SNTB2: variants seen among roughly 807,000 people sequenced by gnomAD.
SNTB2 encodes the protein beta-2-syntrophin.
A neutral mutation model predicts 46.2 loss-of-function variants in SNTB2; 34 were observed. That is an observed-to-expected ratio of 0.74 (90% CI 0.56 to 0.98). The LOEUF (loss-of-function observed/expected upper bound fraction) is 0.98. Among genes scored for constraint, SNTB2 ranks in the 50% least tolerant of loss-of-function variants. The pLI is 0.00. For missense variants in SNTB2, 603 were observed against 731.4 expected (o/e 0.82, Z 2.02); for synonymous variants, 290 against 312.6 (o/e 0.93, Z 0.76).
At chr16:69,297,306 CAAAAAAAAAAAAAA>C (rs60543622) in intron 5 of SNTB2, among the ~76,000 whole-genome samples, 17 of 45,736 alleles carry the variant, frequency 3.7e-4, no homozygotes, top group East Asian at 1.2e-3. Context: ...GATTCTATCT[CAAAAAAAAAAAAAA>C]AAAAAAAAAA....
At chr16:69,273,662 A>C (rs1964959900) in intron 4 of SNTB2, among the ~76,000 whole-genome samples, 1 of 152,144 alleles carries the variant, frequency 6.6e-6, no homozygotes, top group Non-Finnish European at 1.5e-5. Context: ...TATACTAAAG[A>C]CCACTGTACT....
intron 5 of SNTB2, among the ~76,000 whole-genome samples, chr16:69,291,079 T>C (rs1241929769): frequency 2.0e-5 from 3 of 152,240 alleles, no homozygotes; most frequent in Non-Finnish European, 4.4e-5. Context: ...CACAGTGTCA[T>C]GTTCTTTTCT....
chr16:69,252,509 C>A lies in SNTB2; in HGVS notation c.794+6694C>A, dbSNP rs559353411. ...AATCCGTGTTCTTTGCATTGGTTCACAGTGCCTCAGTCATCTTCACATTGG... is the reference window on the plus strand; with the variant it reads ...AATCCGTGTTCTTTGCATTGGTTCAAAGTGCCTCAGTCATCTTCACATTGG... On this transcript the variant is annotated intron_variant, in intron 2 of 6. Transcript: ENST00000336278. 9.8e-5 allele frequency among the ~76,000 whole-genome samples: 15 copies of A among 152,342 alleles called. No homozygotes were observed. The East Asian group carries it at 2.9e-3, about 29-fold the overall frequency.
chr16:69,212,582 C>T (rs1964299637), intron 1 of SNTB2, among the ~76,000 whole-genome samples: 1 of 152,124 alleles, frequency 6.6e-6, no homozygotes, highest in African/African-American at 2.4e-5. Flanking sequence ...CATGATCCAC[C>T]CACCTCGGCC....
intron 2 of SNTB2, among the ~76,000 whole-genome samples, chr16:69,251,644 G>T (rs1236450371): frequency 6.6e-6 from 1 of 151,582 alleles, no homozygotes; most frequent in Non-Finnish European, 1.5e-5. Flanking sequence ...TGGGCGTGGT[G>T]GCTCATGCCT....
chr16:69,298,002 G>A (rs1965244082), intron 5 of SNTB2, among the ~76,000 whole-genome samples: 1 of 152,276 alleles, frequency 6.6e-6, no homozygotes, highest in Middle Eastern at 3.4e-3. Flanking sequence ...GCAGTGGCAT[G>A]ATCATAGCTC....
chr16:69,284,239 C>T lies in SNTB2; in HGVS notation c.1340C>T (p.Ser447Phe). 6.2e-7 allele frequency: 1 copy of T among 1,603,076 alleles called. No homozygotes were observed. Among genetic ancestry groups the T allele is most frequent in the Non-Finnish European group, 8.5e-7 (1 of 1,173,878 alleles). ...GCTGCTGAGCTGATCAAGGAAGTCT[C>T]TCTAGGTAGAGATGCTGACTTTTTA... Reference protein sequence around the residue: ...HAAAELIKEVSLGCMLNGQEV... With the variant: ...HAAAELIKEVFLGCMLNGQEV... The change falls in exon 5 of 7, where the codon TCT becomes TTT. Residue 447 changes from serine to phenylalanine, a missense_variant. This residue lies in a region of SNTB2 where 537 missense variants were observed against 692.4 expected (regional missense o/e 0.78). Transcript: ENST00000336278.
chr16:69,250,371 C>T (rs985834652), intron 2 of SNTB2, among the ~76,000 whole-genome samples: 4 of 152,232 alleles, frequency 2.6e-5, no homozygotes, highest in Admixed American at 6.5e-5. Context: ...AGATAGGCTT[C>T]GTAATGTTGG....
At chr16:69,197,738 G>A (rs1964118433) in intron 1 of SNTB2, among the ~76,000 whole-genome samples, 1 of 152,110 alleles carries the variant, frequency 6.6e-6, no homozygotes, top group Non-Finnish European at 1.5e-5. Context: ...AACACTAAAT[G>A]TCTTTGATTT....
intron 6 of SNTB2, among the ~76,000 whole-genome samples, chr16:69,300,376 G>A (rs12926698): frequency 0.19 from 29,408 of 150,932 alleles, 3,184 homozygotes; most frequent in African/African-American, 0.28. Flanking sequence ...TCAGCCTCCC[G>A]AGTAGCTGAG....
chr16:69,256,204 G>A (rs184814279), intron 2 of SNTB2, among the ~76,000 whole-genome samples: 9 of 152,178 alleles, frequency 5.9e-5, no homozygotes, highest in Admixed American at 5.9e-4. Context: ...AAGTTTTGTA[G>A]AGATGGGTTC....
At chr16:69,243,529 G>C (rs946739209) in intron 1 of SNTB2, among the ~76,000 whole-genome samples, 1 of 152,104 alleles carries the variant, frequency 6.6e-6, no homozygotes, top group Non-Finnish European at 1.5e-5. Flanking sequence ...GATCGTTAAG[G>C]GTTCTTTTCT....
At chr16:69,255,183 G>A (rs954484079) in intron 2 of SNTB2, among the ~76,000 whole-genome samples, 6 of 151,832 alleles carry the variant, frequency 4.0e-5, no homozygotes, top group East Asian at 1.9e-4. Flanking sequence ...CTCTAGCCTC[G>A]AACTCCTGTG....
chr16:69,190,781 T>C (rs1272309612), intron 1 of SNTB2, among the ~76,000 whole-genome samples: 2 of 152,322 alleles, frequency 1.3e-5, no homozygotes. Context: ...TTCTGGCTAG[T>C]GGTTTGTAAC....
chr16:69,214,180 G>A (rs1445152825), intron 1 of SNTB2, among the ~76,000 whole-genome samples: 1 of 150,458 alleles, frequency 6.6e-6, no homozygotes, highest in Non-Finnish European at 1.5e-5. Context: ...GCCCAGGCTG[G>A]AGTGCAGTGG....
At chr16:69,223,171 A>G (rs1220497081) in intron 1 of SNTB2, among the ~76,000 whole-genome samples, 1 of 151,250 alleles carries the variant, frequency 6.6e-6, no homozygotes, top group African/African-American at 2.4e-5. Flanking sequence ...CATCTTGCAT[A>G]ACCATTATCA....
chr16:69,243,166 A>C (rs1387007883), intron 1 of SNTB2, among the ~76,000 whole-genome samples: 1 of 152,198 alleles, frequency 6.6e-6, no homozygotes, highest in East Asian at 1.9e-4. Context: ...AAATGAAATG[A>C]TTCTGAAATA....
At chr16:69,248,445 C>T (rs1282660244) in intron 2 of SNTB2, among the ~76,000 whole-genome samples, 1 of 151,976 alleles carries the variant, frequency 6.6e-6, no homozygotes. Flanking sequence ...ACCAGCCTGG[C>T]TAATATGGTG....
At chr16:69,267,174 C>T (rs1020228916) in intron 3 of SNTB2, among the ~76,000 whole-genome samples, 5 of 152,046 alleles carry the variant, frequency 3.3e-5, no homozygotes, top group Admixed American at 6.6e-5. Context: ...ACTACAGGCG[C>T]GTGCCACCAT....
Sources: allele counts gnomAD v4.1 joint callset (sites outside exome capture counted in the v4.1 genomes callset), GRCh38; gene constraint gnomAD v4.1.1; regional missense constraint gnomAD v4.1.1; transcripts MANE v1.5; gene names NCBI Gene and HGNC (gene_info 2026-07-23, HGNC 2026-07-21).